Variants in NUP98 observed in about 807,000 individuals in gnomAD.
NUP98 encodes nuclear pore complex protein Nup98-Nup96.
NUP98 carries 26 observed loss-of-function variants against 191.9 expected under a neutral mutation model. The observed-to-expected ratio is 0.14, with a 90% confidence interval of 0.10 to 0.19. The LOEUF (loss-of-function observed/expected upper bound fraction) is 0.19, where lower values mean the gene tolerates loss of function less well. NUP98 is among the 10% of genes least tolerant of loss of function. NUP98 has a pLI of 1.00. For synonymous variants in NUP98, 808 were observed against 778.4 expected (o/e 1.04, Z -0.63); for missense variants, 1,941 against 2,178.8 (o/e 0.89, Z 2.17).
intron 28 of NUP98, among the ~76,000 whole-genome samples, chr11:3,688,360 C>T (rs549584604): frequency 2.0e-5 from 3 of 151,820 alleles, no homozygotes; most frequent in African/African-American, 7.3e-5. Context: ...GAGCCTAGTT[C>T]GCGCCACTGC....
intron 20 of NUP98, among the ~76,000 whole-genome samples, chr11:3,707,241 G>C (rs1315507529): frequency 1.3e-5 from 2 of 152,016 alleles, no homozygotes; most frequent in African/African-American, 2.4e-5. Flanking sequence ...TTTAATCTGG[G>C]AAGAATCCCT....
At chr11:3,792,833 T>A (rs572328108) in intron 1 of NUP98, among the ~76,000 whole-genome samples, 1 of 152,086 alleles carries the variant, frequency 6.6e-6, no homozygotes, top group African/African-American at 2.4e-5. Flanking sequence ...TTAAAAAGGT[T>A]TGAGGCCGGG....
At chr11:3,677,417 T>TTG (rs1554885125) in intron 31 of NUP98, among the ~76,000 whole-genome samples, 5 of 151,176 alleles carry the variant, frequency 3.3e-5, no homozygotes, top group Admixed American at 2.0e-4. Flanking sequence ...TAGGTTTTTT[T>TTG]TTTTTTTTTT....
chr11:3,791,175 G>A lies in NUP98; in HGVS notation c.-29+6225C>T, dbSNP rs139504148. On this transcript the variant is annotated intron_variant, in intron 1 of 32. Coordinates refer to ENST00000324932, the MANE Select transcript of NUP98 (RefSeq NM_016320.5). ...CTCCCAAAGTGCTGGGATTACAGGCGTGAGCCACTGCGCCCCGCCCACCAT... is the reference window on the plus strand; with the variant it reads ...CTCCCAAAGTGCTGGGATTACAGGCATGAGCCACTGCGCCCCGCCCACCAT... Among the ~76,000 whole-genome samples, 403 of 152,138 alleles carry A rather than the reference G, an allele frequency of 2.6e-3. 3 individuals carry two copies. The highest frequency in any genetic ancestry group is 8.0e-3 in the African/African-American group (331 of 41,546).
At chr11:3,702,291 ACACACACACACACACACACACACTCT>A (rs2078709286) in intron 23 of NUP98, among the ~76,000 whole-genome samples, 146 bp downstream of exon 23, 1 of 53,854 alleles carries the variant, frequency 1.9e-5, no homozygotes, top group Non-Finnish European at 3.7e-5. Context: ...ACACACACAC[ACACACACACACACACACACACACTCT>A]CTCTCTCTCT....
chr11:3,797,551 C>T lies in NUP98; in HGVS notation c.-180G>A, dbSNP rs2082739513. ...CGGGCGCAGCGCGCAGAGGGCCCGA[C>T]TGCGTCACACGCCGCCCGGCGTCAG... On this transcript the variant is annotated 5_prime_UTR_variant, in exon 1 of 33. Coordinates refer to ENST00000324932, the MANE Select transcript of NUP98 (RefSeq NM_016320.5). 8.3e-6 allele frequency: 4 copies of T among 482,818 alleles called. No homozygotes were observed. The allele number at this position is 482,818 out of a possible 1,614,324, so 29.9% of individuals were successfully genotyped here. A position where few individuals can be genotyped will look rare whatever the true frequency, so the allele number is the denominator to read the frequency against.
chr11:3,727,605 T>A (rs1460681904), intron 14 of NUP98, among the ~76,000 whole-genome samples: 1 of 152,086 alleles, frequency 6.6e-6, no homozygotes, highest in Non-Finnish European at 1.5e-5. Context: ...GGTTTCGCTG[T>A]AATTTCAGCA....
chr11:3,763,827 C>G (rs1029162736), intron 8 of NUP98, among the ~76,000 whole-genome samples: 8 of 152,356 alleles, frequency 5.3e-5, no homozygotes, highest in East Asian at 3.9e-4. Context: ...GCGTGAGCCA[C>G]TGCACCCAGC....
intron 9 of NUP98, 63 bp from the exon 10 acceptor site, chr11:3,760,689 A>AT: frequency 7.4e-7 from 1 of 1,352,888 alleles, no homozygotes; most frequent in Non-Finnish European, 1.0e-6. Context: ...AACTAAATAC[A>AT]GGTTACCTCA....
intron 14 of NUP98, among the ~76,000 whole-genome samples, chr11:3,729,514 G>A (rs1230011770): frequency 1.6e-4 from 23 of 140,648 alleles, no homozygotes; most frequent in Non-Finnish European, 1.5e-4. Context: ...CGAGACCACC[G>A]TGGGCAACAC....
chr11:3,780,303 A>G (rs1335245454), intron 2 of NUP98, among the ~76,000 whole-genome samples: 16 of 150,032 alleles, frequency 1.1e-4, no homozygotes, highest in African/African-American at 3.7e-4. Flanking sequence ...GGCCGAGGCA[A>G]GCAGATCATG....
chr11:3,694,918 T>TA (rs368237083), intron 26 of NUP98, among the ~76,000 whole-genome samples: 21 of 151,982 alleles, frequency 1.4e-4, no homozygotes, highest in African/African-American at 3.1e-4. Flanking sequence ...AAAATATAAA[T>TA]AAAAAAAATC....
At chr11:3,757,097 AT>A (rs1346867495) in intron 10 of NUP98, among the ~76,000 whole-genome samples, 1 of 141,560 alleles carries the variant, frequency 7.1e-6, no homozygotes, top group Admixed American at 7.3e-5. Context: ...CAAAAAAAAA[AT>A]ATATATATAT....
intron 1 of NUP98, among the ~76,000 whole-genome samples, chr11:3,794,848 A>C (rs147633954): frequency 4.6e-5 from 7 of 152,290 alleles, no homozygotes; most frequent in African/African-American, 1.2e-4. Flanking sequence ...TTCTGGGCTC[A>C]GGAAATCCAC....
intron 14 of NUP98, among the ~76,000 whole-genome samples, chr11:3,731,037 G>A (rs916017940): frequency 6.4e-4 from 98 of 152,274 alleles, no homozygotes; most frequent in African/African-American, 2.0e-3. Flanking sequence ...GAGGCCAGGC[G>A]GCAGATCATA....
intron 18 of NUP98, among the ~76,000 whole-genome samples, chr11:3,715,433 A>ATTT (rs981558334): frequency 7.0e-6 from 1 of 141,872 alleles, no homozygotes; most frequent in Non-Finnish European, 1.5e-5. Context: ...ACGCCCGGCC[A>ATTT]TTTTTTTTTT....
intron 2 of NUP98, among the ~76,000 whole-genome samples, chr11:3,780,034 T>C (rs1435423106): frequency 6.6e-6 from 1 of 152,034 alleles, no homozygotes; most frequent in African/African-American, 2.4e-5. Context: ...GCGGAACACA[T>C]CAGAACAACC....
rs1265838544 is a variant in NUP98, at chr11:3,735,299, A to G, written c.1434T>C (p.Ala478=). ...GCTGCTGGAGAACAGCCTGCTGGGCAGCAGAAGCATTTGGATCTGTCAAAG... is the reference window on the plus strand; with the variant it reads ...GCTGCTGGAGAACAGCCTGCTGGGCGGCAGAAGCATTTGGATCTGTCAAAG... ...PVALTDPNAS[A]AQQAVLQQHI... is the part of the protein sequence containing the mutation. Residue 478 remains alanine, a synonymous_variant, in exon 13 of 33, where the codon GCT becomes GCC. Transcript: ENST00000324932. 2 of 1,560,020 alleles carry G rather than the reference A, an allele frequency of 1.3e-6. No individual in the cohort carries two copies. Among genetic ancestry groups the G allele is most frequent in the African/African-American group, 1.4e-5 (1 of 73,946 alleles).
chr11:3,779,828 AG>A (rs1467722753), intron 2 of NUP98, among the ~76,000 whole-genome samples: 1 of 151,306 alleles, frequency 6.6e-6, no homozygotes, highest in Non-Finnish European at 1.5e-5. Context: ...AGATGTTCAT[AG>A]GTTAAAAAAA....
Sources: allele counts gnomAD v4.1 joint callset (sites outside exome capture counted in the v4.1 genomes callset), GRCh38; gene constraint gnomAD v4.1.1; transcripts MANE v1.5; gene names NCBI Gene and HGNC (gene_info 2026-07-23, HGNC 2026-07-21).